UVRAG: variants seen among roughly 807,000 people sequenced by gnomAD.
UVRAG encodes UV radiation resistance-associated gene protein.
A neutral mutation model predicts 78.0 loss-of-function variants in UVRAG; 19 were observed. That is an observed-to-expected ratio of 0.24 (90% CI 0.17 to 0.36). The LOEUF is 0.36. Ranked by LOEUF, UVRAG falls within the 10% of genes least tolerant of loss-of-function variation. The probability of loss-of-function intolerance (pLI) is 1.00; values close to 1 mark genes in which losing one functional copy is unlikely to be tolerated. For missense variants in UVRAG, 740 were observed against 853.8 expected (o/e 0.87, Z 1.66); for synonymous variants, 323 against 324.6 (o/e 1.00, Z 0.05).
intron 8 of UVRAG, among the ~76,000 whole-genome samples, chr11:75,992,830 G>A (rs548825181): frequency 5.9e-5 from 9 of 152,258 alleles, no homozygotes; most frequent in Middle Eastern, 3.4e-3. Flanking sequence ...AAGCACCATA[G>A]TCACTGGTAT....
intron 13 of UVRAG, among the ~76,000 whole-genome samples, chr11:76,107,747 T>A (rs1951996693): frequency 6.6e-6 from 1 of 152,216 alleles, no homozygotes; most frequent in Non-Finnish European, 1.5e-5. Flanking sequence ...TTGAAAGAAT[T>A]ACGTTTTCTT....
At position 75,923,003 on chromosome 11, in the gene UVRAG, C is replaced by CATATATAT. The variant is rs147448761; in HGVS notation, c.593+10977_593+10984dup. ...AAAAATATATATACATATATTTTTT[C>CATATATAT]ATATATATATATATATATATGTTCG... On this transcript the variant is annotated intron_variant, in intron 6 of 14. Coordinates refer to ENST00000356136, the MANE Select transcript of UVRAG (RefSeq NM_003369.4). 1.1e-3 allele frequency among the ~76,000 whole-genome samples: 152 copies of CATATATAT among 138,732 alleles called. 1 individual carries two copies. Among genetic ancestry groups the CATATATAT allele is most frequent in the African/African-American group, 3.9e-3 (146 of 37,742 alleles). 91.0% of individuals were successfully genotyped at this position (138,732 alleles called of 152,430 possible). A position where few individuals can be genotyped will look rare whatever the true frequency, so the allele number is the denominator to read the frequency against.
chr11:75,852,902 GT>G (rs950683582), intron 2 of UVRAG, among the ~76,000 whole-genome samples: 2 of 152,118 alleles, frequency 1.3e-5, no homozygotes, highest in African/African-American at 4.8e-5. Flanking sequence ...AAAAATTCAA[GT>G]GATATTTATT....
chr11:75,987,503 G>A (rs1949523702), intron 8 of UVRAG, among the ~76,000 whole-genome samples: 1 of 151,954 alleles, frequency 6.6e-6, no homozygotes, highest in Non-Finnish European at 1.5e-5. Context: ...TTCCTAATAC[G>A]TATGCCTTTA....
chr11:76,053,554 C>G (rs942366294), intron 12 of UVRAG, among the ~76,000 whole-genome samples: 1 of 152,172 alleles, frequency 6.6e-6, no homozygotes, highest in African/African-American at 2.4e-5. Flanking sequence ...GGAACCCTAA[C>G]CAAAACTGTT....
At chr11:75,861,681 T>C in intron 2 of UVRAG, 65 bp from the exon 3 acceptor site, 2 of 1,206,360 alleles carry the variant, frequency 1.7e-6, no homozygotes, top group Non-Finnish European at 2.4e-6. Flanking sequence ...ATTAGAGGAT[T>C]AACAGTTGGT....
intron 2 of UVRAG, among the ~76,000 whole-genome samples, chr11:75,854,354 C>A (rs770763007): frequency 2.6e-5 from 4 of 152,136 alleles, no homozygotes; most frequent in African/African-American, 7.2e-5. Context: ...GGAAATGGTC[C>A]ATATCAATTT....
intron 13 of UVRAG, among the ~76,000 whole-genome samples, chr11:76,067,059 CT>C (rs1277194702): frequency 2.0e-5 from 3 of 152,194 alleles, no homozygotes; most frequent in African/African-American, 7.2e-5. Flanking sequence ...ATCTGCCACT[CT>C]TCCCCTTAAC....
chr11:76,040,665 C>G (rs540740446), intron 12 of UVRAG, among the ~76,000 whole-genome samples: 1 of 152,004 alleles, frequency 6.6e-6, no homozygotes, highest in East Asian at 1.9e-4. Flanking sequence ...AAGCAATTCT[C>G]GTGCCTCAGC....
chr11:76,012,230 A>G (rs1329782196), intron 11 of UVRAG, among the ~76,000 whole-genome samples: 1 of 152,054 alleles, frequency 6.6e-6, no homozygotes, highest in Admixed American at 6.5e-5. Context: ...AACATGGAAC[A>G]TCATGATGTT....
intron 4 of UVRAG, among the ~76,000 whole-genome samples, chr11:75,886,163 G>A (rs1046103582): frequency 6.6e-6 from 1 of 152,030 alleles, no homozygotes; most frequent in Non-Finnish European, 1.5e-5. Context: ...TTTTAACCCC[G>A]TATCTTTTCA....
At chr11:75,918,020 C>T (rs1246155628) in intron 6 of UVRAG, among the ~76,000 whole-genome samples, 1 of 151,972 alleles carries the variant, frequency 6.6e-6, no homozygotes, top group Non-Finnish European at 1.5e-5. Context: ...TCATATAAAC[C>T]AGTGTATCTT....
intron 13 of UVRAG, among the ~76,000 whole-genome samples, chr11:76,115,526 A>T (rs2134466843): frequency 6.6e-6 from 1 of 152,324 alleles, no homozygotes; most frequent in South Asian, 2.1e-4. Context: ...CTAAAAAGAA[A>T]CACTGGTTTT....
At chr11:76,097,630 G>C (rs1405497692) in intron 13 of UVRAG, among the ~76,000 whole-genome samples, 1 of 151,936 alleles carries the variant, frequency 6.6e-6, no homozygotes, top group Non-Finnish European at 1.5e-5. Flanking sequence ...TTATATTATG[G>C]AACTGCCTCT....
chr11:75,866,031 C>T (rs990058323), intron 3 of UVRAG, among the ~76,000 whole-genome samples: 4 of 151,888 alleles, frequency 2.6e-5, no homozygotes, highest in Non-Finnish European at 1.5e-5. Flanking sequence ...CCAAGGTGGG[C>T]GGATTGCTTG....
intron 6 of UVRAG, among the ~76,000 whole-genome samples, chr11:75,955,461 A>G (rs1226815170): frequency 6.6e-6 from 1 of 152,192 alleles, no homozygotes. Flanking sequence ...TCAAATGCCT[A>G]AGAAAATGAA....
At chr11:76,117,477 A>G (rs1188975125) in intron 14 of UVRAG, among the ~76,000 whole-genome samples, 1 of 152,214 alleles carries the variant, frequency 6.6e-6, no homozygotes. Context: ...ATCGATTAGT[A>G]TGACATTTTT....
chr11:76,141,322 T>A lies in UVRAG; in HGVS notation c.2009T>A (p.Leu670Gln). ...GCAGTAGAGTGTGACGAACAAGTTC[T>A]GGGAGAATTTGAAGAGTTCTCCCGA... is the stretch of plus-strand genomic sequence containing the variant. The part of the protein sequence containing the change: ...AVAVECDEQV[L>Q]GEFEEFSRRI... The change falls in exon 15 of 15, where the codon CTG (leucine) becomes CAG (glutamine). Residue 670 changes from leucine to glutamine, a missense_variant. Coordinates refer to ENST00000356136, the MANE Select transcript of UVRAG (RefSeq NM_003369.4). 5 of 1,614,234 alleles carry A rather than the reference T, an allele frequency of 3.1e-6. No homozygotes were observed. Among genetic ancestry groups the A allele is most frequent in the Non-Finnish European group, 4.2e-6 (5 of 1,180,052 alleles).
intron 1 of UVRAG, among the ~76,000 whole-genome samples, chr11:75,837,797 T>C (rs939612405): frequency 2.6e-5 from 4 of 152,232 alleles, no homozygotes; most frequent in African/African-American, 9.6e-5. Context: ...AATTCTCTCC[T>C]ATATATTCCA....
Sources: allele counts gnomAD v4.1 joint callset (sites outside exome capture counted in the v4.1 genomes callset), GRCh38; gene constraint gnomAD v4.1.1; transcripts MANE v1.5; gene names NCBI Gene and HGNC (gene_info 2026-07-23, HGNC 2026-07-21).